RDH11: variants seen among roughly 807,000 people sequenced by gnomAD.
RDH11 encodes HCV core-binding protein HCBP12.
In RDH11, 19 loss-of-function variants were observed where a neutral mutation model predicts 33.4. That is an observed-to-expected ratio of 0.57 (90% CI 0.40 to 0.83). The LOEUF (loss-of-function observed/expected upper bound fraction) is 0.83, where lower values mean the gene tolerates loss of function less well. Among genes scored for constraint, RDH11 ranks in the 40% least tolerant of loss-of-function variants. The probability of loss-of-function intolerance (pLI) is 0.00; values close to 1 mark genes in which losing one functional copy is unlikely to be tolerated. For synonymous variants in RDH11, 154 were observed against 155.3 expected, an observed-to-expected ratio of 0.99 and a Z score of 0.06; for missense variants, 353 against 389.0, an observed-to-expected ratio of 0.91 and a Z score of 0.78.
In RDH11 at chr14:67,690,414, G is replaced by A; in HGVS notation, c.462C>T (p.Phe154=). 1 of 1,614,018 alleles carries A rather than the reference G, an allele frequency of 6.2e-7. No homozygotes were observed. The highest frequency in any genetic ancestry group is 1.1e-5 in the South Asian group (1 of 91,076). The part of the protein sequence containing the change: ...MHIGVNHLGH[F]LLTHLLLEKL... The stretch of plus-strand genomic sequence containing the variant: ...TCTCTAGCAGCAGATGGGTTAGGAG[G>A]AAGTGACCTGTTGAGAAATACTAGA... Residue 154 remains phenylalanine, a synonymous_variant, in exon 5 of 7, where the codon TTC becomes TTT. Transcript: ENST00000381346.
rs185721102 is a variant in RDH11, at chr14:67,695,195, C to G, written c.74+435G>C. On this transcript the variant is annotated intron_variant, in intron 1 of 6. Coordinates refer to ENST00000381346, the MANE Select transcript of RDH11 (RefSeq NM_016026.4). ...AGCAAGGATGGGGCCGCAGATGTTACGATTGCTATCAGTTTCAGAGGGCGA... is the reference window on the plus strand; with the variant it reads ...AGCAAGGATGGGGCCGCAGATGTTAGGATTGCTATCAGTTTCAGAGGGCGA... Among the ~76,000 whole-genome samples, 284 of 152,302 alleles carry G rather than the reference C, an allele frequency of 1.9e-3. 2 individuals carry two copies. The highest frequency in any genetic ancestry group is 4.5e-3 in the Admixed American group (69 of 15,294).
chr14:67,692,860 A>G, intron 2 of RDH11, 74 bp downstream of exon 2: 1 of 1,116,386 alleles, frequency 9.0e-7, no homozygotes, highest in South Asian at 1.4e-5. Flanking sequence ...GGAAGAAACA[A>G]TGAGAATGAA....
chr14:67,684,862 G>C (rs2140064233), intron 6 of RDH11, 153 bp downstream of exon 6: 1 of 530,756 alleles, frequency 1.9e-6, no homozygotes. Flanking sequence ...ACAAAAGAGA[G>C]TCAAATTCCC....
Position 67,690,855 on chromosome 14 carries a change from C to T in RDH11, c.454+285G>A, listed in dbSNP as rs2037740742. ...CAGATGACCTATACCTGATGCTGGC[C>T]ACAAGGATCACTACTAAGAAAGCAA... On this transcript the variant is annotated intron_variant, in intron 4 of 6. Transcript: ENST00000381346. 3 of 419,270 alleles carry T rather than the reference C, an allele frequency of 7.2e-6. No individual in the cohort carries two copies. The South Asian group carries it at 9.8e-5, about 14-fold the overall frequency. 26.0% of individuals were successfully genotyped at this position (419,270 alleles called of 1,614,324 possible). A position where few individuals can be genotyped will look rare whatever the true frequency, so the allele number is the denominator to read the frequency against.
chr14:67,690,624 C>G (rs552588317), intron 4 of RDH11: 3 of 566,338 alleles, frequency 5.3e-6, no homozygotes, highest in Non-Finnish European at 6.3e-6. Context: ...CTTATATGAG[C>G]GAGATAGGTC....
In RDH11 at chr14:67,678,415, T is replaced by A. The variant is rs758243773; in HGVS notation, c.863A>T (p.His288Leu). The change falls in exon 7 of 7, where the codon CAT becomes CTT. Residue 288 changes from histidine to leucine, a missense_variant. Transcript: ENST00000381346. ...AGCTTGGGCAGAGACCCATGCCACATGACAGTCACTGGAAGGTAAAGAGAA... is the reference window on the plus strand; with the variant it reads ...AGCTTGGGCAGAGACCCATGCCACAAGACAGTCACTGGAAGGTAAAGAGAA... ...ILSGNHFSDC[H>L]VAWVSAQARN... 3.1e-6 allele frequency: 5 copies of A among 1,610,644 alleles called. No individual in the cohort carries two copies. Among genetic ancestry groups the A allele is most frequent in the Non-Finnish European group, 2.5e-6 (3 of 1,176,994 alleles).
intron 4 of RDH11, 97 bp downstream of exon 4, chr14:67,691,043 G>A: frequency 2.5e-6 from 2 of 803,900 alleles, no homozygotes; most frequent in Non-Finnish European, 4.4e-6. Flanking sequence ...ATGGTCCTGA[G>A]GTTCAATCAC....
intron 6 of RDH11, among the ~76,000 whole-genome samples, chr14:67,682,942 C>T (rs957314559): frequency 6.6e-6 from 1 of 152,186 alleles, no homozygotes; most frequent in African/African-American, 2.4e-5. Flanking sequence ...ATGGATGACC[C>T]TTGATAACAT....
intron 6 of RDH11, chr14:67,684,516 C>T (rs1208251775): frequency 6.6e-6 from 1 of 151,932 alleles, no homozygotes; most frequent in Non-Finnish European, 1.5e-5. Flanking sequence ...TTTTAAATGT[C>T]TTCGCTTATT....
chr14:67,685,618 C>T (rs1167546123), intron 5 of RDH11, among the ~76,000 whole-genome samples: 1 of 151,828 alleles, frequency 6.6e-6, no homozygotes, highest in East Asian at 1.9e-4. Flanking sequence ...CCACCACACC[C>T]ACCCCATCCC....
At position 67,692,556 on chromosome 14, in the gene RDH11, C is replaced by T; in HGVS notation, c.231G>A (p.Lys77=). 1.2e-6 allele frequency: 2 copies of T among 1,607,894 alleles called. No homozygotes were observed. Among genetic ancestry groups the T allele is most frequent in the East Asian group, 2.2e-5 (1 of 44,784 alleles). The change falls in exon 3 of 7, where the codon AAG becomes AAA. Residue 77 remains lysine (K), a synonymous_variant. Coordinates refer to ENST00000381346, the MANE Select transcript of RDH11 (RefSeq NM_016026.4). ...GGATCTCTTTGGCCACCAATTCCCC[C>T]TTTTCCACATCCCGGCAAGCTAAAT... ...RVYLACRDVE[K]GELVAKEIQT... is the part of the protein sequence containing the mutation.
intron 6 of RDH11, among the ~76,000 whole-genome samples, chr14:67,679,314 A>AAGT (rs1406862823): frequency 1.3e-5 from 2 of 152,184 alleles, no homozygotes; most frequent in East Asian, 3.8e-4. Context: ...ATTGAGGCTT[A>AAGT]AGTTTCCAAC....
chr14:67,690,945 G>C, intron 4 of RDH11, 195 bp downstream of exon 4: 1 of 582,426 alleles, frequency 1.7e-6, no homozygotes, highest in South Asian at 2.3e-5. Context: ...CTAAATCACA[G>C]ATTAAAAAGC....
intron 5 of RDH11, among the ~76,000 whole-genome samples, chr14:67,687,725 C>T (rs1250076777): frequency 6.6e-6 from 1 of 151,826 alleles, no homozygotes; most frequent in East Asian, 1.9e-4. Flanking sequence ...CCCACCTCAG[C>T]CTCCCAAATT....
chr14:67,695,617 C>A lies in RDH11; in HGVS notation c.74+13G>T. 1.2e-6 allele frequency: 2 copies of A among 1,612,060 alleles called. No homozygotes were observed. The highest frequency in any genetic ancestry group is 1.7e-6 in the Non-Finnish European group (2 of 1,178,714). ...CAAGAATTCTCAAGAGAAGGCAATA[C>A]ATTTGCACAGACCTGATTTGGGGCG... On this transcript the variant is annotated intron_variant, in intron 1 of 6. Transcript: ENST00000381346.
chr14:67,689,831 C>T (rs1206593425), intron 5 of RDH11, among the ~76,000 whole-genome samples: 3 of 152,000 alleles, frequency 2.0e-5, no homozygotes, highest in African/African-American at 7.3e-5. Flanking sequence ...GTAGTCCCAG[C>T]TACTCAGGAG....
intron 3 of RDH11, chr14:67,692,157 C>T (rs2037758180): frequency 3.1e-6 from 1 of 327,284 alleles, no homozygotes; most frequent in African/African-American, 2.2e-5. Flanking sequence ...ATTTAGACCC[C>T]AGACCCTAAA....
In RDH11 at chr14:67,685,197, G is replaced by C. The variant is rs780920484; in HGVS notation, c.672C>G (p.Gly224=). The change falls in exon 6 of 7, where the codon GGC becomes GGG. Residue 224 remains glycine (G), a synonymous_variant. Transcript: ENST00000381346. ...CAGGGTGTACAGAATACGTCGTAAC[G>C]CCAGAGCCTGGTTGGGGGTGGCATG... The part of the protein sequence containing the change: ...QELARRLKGS[G]VTTYSVHPGT... 1.9e-6 allele frequency: 3 copies of C among 1,610,776 alleles called. No homozygotes were observed. In the Admixed American group the frequency reaches 5.0e-5, roughly 27 times the overall value.
chr14:67,694,156 T>A (rs996959747), intron 1 of RDH11, among the ~76,000 whole-genome samples: 1 of 152,140 alleles, frequency 6.6e-6, no homozygotes, highest in African/African-American at 2.4e-5. Context: ...GTACATACTC[T>A]TAGCCATTGA....
Sources: gnomAD v4.1 joint callset for allele counts (sites outside exome capture counted in the v4.1 genomes callset) on GRCh38, gnomAD v4.1.1 for gene constraint, MANE v1.5 for transcripts, NCBI Gene and HGNC (gene_info 2026-07-23, HGNC 2026-07-21) for gene names.